The following XXYLT1 variants were observed in gnomAD, a reference collection of about 807,000 sequenced individuals.
The protein encoded by XXYLT1 is UDP-xylose:alpha-xyloside alpha-1,3-xylosyltransferase.
In XXYLT1, 20 loss-of-function variants were observed where a neutral mutation model predicts 28.9. That is an observed-to-expected ratio of 0.69 (90% CI 0.49 to 1.00). The LOEUF (loss-of-function observed/expected upper bound fraction) is 1.00, where lower values mean the gene tolerates loss of function less well. Ranked by LOEUF, XXYLT1 falls within the 50% of genes least tolerant of loss-of-function variation. XXYLT1 has a pLI of 0.00. For missense variants in XXYLT1, 542 were observed against 560.1 expected, an observed-to-expected ratio of 0.97 and a Z score of 0.33; for synonymous variants, 257 against 253.8, an observed-to-expected ratio of 1.01 and a Z score of -0.12.
intron 3 of XXYLT1, among the ~76,000 whole-genome samples, chr3:195,134,831 GTGT>G: frequency 2.4e-5 from 1 of 42,018 alleles, no homozygotes; most frequent in Non-Finnish European, 4.7e-5. Context: ...AGAGGGGTGT[GTGT>G]GTGTGTGTGT....
intron 2 of XXYLT1, among the ~76,000 whole-genome samples, chr3:195,226,374 C>A (rs1390893777): frequency 6.6e-6 from 1 of 152,102 alleles, no homozygotes; most frequent in Non-Finnish European, 1.5e-5. Flanking sequence ...ATCATCTAAT[C>A]CAACCCACCA....
In XXYLT1 at chr3:195,210,521, T is replaced by G. The variant is rs570399679; in HGVS notation, c.652+16188A>C. On this transcript the variant is annotated intron_variant, in intron 2 of 3. Coordinates refer to ENST00000310380, the MANE Select transcript of XXYLT1 (RefSeq NM_152531.5). The surrounding 1 kb of genome is among the most constrained non-coding windows in gnomAD (Gnocchi z 4.8). ...CGATAGCCAAGAATTTAAAAGAAGA[T>G]CTTGACAAATTAAAAGACAGAATCT... 1.3e-5 allele frequency among the ~76,000 whole-genome samples: 2 copies of G among 152,202 alleles called. No individual in the cohort carries two copies. The highest frequency in any genetic ancestry group is 3.9e-4 in the East Asian group (2 of 5,170).
At chr3:195,188,809 A>T (rs752641063) in intron 2 of XXYLT1, among the ~76,000 whole-genome samples, 7 of 152,228 alleles carry the variant, frequency 4.6e-5, no homozygotes, top group Admixed American at 2.6e-4. Context: ...TTCCCTCCAC[A>T]GCCAACTTTG....
rs767625824 is a variant in XXYLT1 at position 195,180,180 on chromosome 3, C to A, written c.653-23599G>T. Among the ~76,000 whole-genome samples the A allele has an allele frequency of 2.6e-5, 4 of 152,186 alleles. No homozygotes were observed. Among genetic ancestry groups the A allele is most frequent in the Non-Finnish European group, 4.4e-5 (3 of 68,024 alleles). On this transcript the variant is annotated intron_variant, in intron 2 of 3. Coordinates refer to ENST00000310380, the MANE Select transcript of XXYLT1 (RefSeq NM_152531.5). This position sits in a 1 kb window ranked among gnomAD's most constrained non-coding sequence, Gnocchi z 5.8. ...GGGAGGGAGGCAGCTGTGTAGCAGG[C>A]CTGGGGTGGTCTGGCTTATGCACAG... is the stretch of plus-strand genomic sequence containing the variant.
intron 3 of XXYLT1, among the ~76,000 whole-genome samples, chr3:195,094,985 G>T (rs540027338): frequency 6.6e-6 from 1 of 152,326 alleles, no homozygotes; most frequent in African/African-American, 2.4e-5. Flanking sequence ...ACCTTACTGT[G>T]CGGGGGAAAT....
chr3:195,230,771 T>C (rs1283996919), intron 1 of XXYLT1, among the ~76,000 whole-genome samples: 2 of 152,244 alleles, frequency 1.3e-5, no homozygotes. Context: ...CATGCTGTTT[T>C]GGTTACTATA....
At chr3:195,097,585 G>C (rs1716520216) in intron 3 of XXYLT1, among the ~76,000 whole-genome samples, 1 of 152,180 alleles carries the variant, frequency 6.6e-6, no homozygotes, top group Non-Finnish European at 1.5e-5. Context: ...AAGGAATTGA[G>C]TCAAAGCCCC....
intron 3 of XXYLT1, among the ~76,000 whole-genome samples, chr3:195,088,128 A>AGCGG (rs1715869088): frequency 6.7e-6 from 1 of 150,292 alleles, no homozygotes; most frequent in East Asian, 2.0e-4. Context: ...GCCATTGCCC[A>AGCGG]GGCTTGATTA....
At chr3:195,122,174 G>A in intron 3 of XXYLT1, 1 of 702,916 alleles carries the variant, frequency 1.4e-6, no homozygotes, top group Non-Finnish European at 2.6e-6. Context: ...TCTTTCATCA[G>A]GACACTCATC....
At chr3:195,188,598 T>G (rs1411223309) in intron 2 of XXYLT1, among the ~76,000 whole-genome samples, 1 of 152,224 alleles carries the variant, frequency 6.6e-6, no homozygotes, top group African/African-American at 2.4e-5. Flanking sequence ...TCAAAGTCGC[T>G]GCTTAACACA....
intron 2 of XXYLT1, among the ~76,000 whole-genome samples, chr3:195,162,384 G>C (rs534464448): frequency 3.3e-5 from 5 of 152,316 alleles, no homozygotes; most frequent in African/African-American, 1.2e-4. Flanking sequence ...GGATGGTCGG[G>C]GGGAGAAAGG....
chr3:195,156,408 G>A (rs1310849608), intron 3 of XXYLT1, 41 bp downstream of exon 3: 1 of 1,603,290 alleles, frequency 6.2e-7, no homozygotes, highest in Non-Finnish European at 8.5e-7. Context: ...TGAAGGGTGG[G>A]GAGGGGTCGT....
intron 1 of XXYLT1, among the ~76,000 whole-genome samples, chr3:195,233,672 T>A (rs1158136513): frequency 7.3e-6 from 1 of 136,508 alleles, no homozygotes; most frequent in Non-Finnish European, 1.5e-5. Flanking sequence ...CTCCCCACTT[T>A]TTAACTTTTT....
At position 195,077,333 on chromosome 3, in the gene XXYLT1, T is replaced by C. The variant is rs1487768857; in HGVS notation, c.786-7222A>G. ...ACCCAGAGGCAGTGCCGCAATAACA[T>C]GGATGGAATGGGGAAGATGCCCCCA... On this transcript the variant is annotated intron_variant, in intron 3 of 3. Coordinates refer to ENST00000310380, the MANE Select transcript of XXYLT1 (RefSeq NM_152531.5). The surrounding 1 kb of genome is among the most constrained non-coding windows in gnomAD (Gnocchi z 4.8). 1.3e-5 allele frequency among the ~76,000 whole-genome samples: 2 copies of C among 152,098 alleles called. No individual in the cohort carries two copies. The highest frequency in any genetic ancestry group is 2.9e-5 in the Non-Finnish European group (2 of 68,006).
intron 1 of XXYLT1, among the ~76,000 whole-genome samples, chr3:195,241,871 C>T (rs1243308996): frequency 6.6e-6 from 1 of 152,122 alleles, no homozygotes; most frequent in East Asian, 1.9e-4. Context: ...ATGTACCCAT[C>T]AGTCCTGGCT....
At chr3:195,252,725 C>CAGAGAG (rs1366490007) in intron 1 of XXYLT1, among the ~76,000 whole-genome samples, 83 of 129,116 alleles carry the variant, frequency 6.4e-4, no homozygotes, top group African/African-American at 2.5e-3. Flanking sequence ...CACACACACA[C>CAGAGAG]ACAGAGAGAG....
At chr3:195,211,694 G>C (rs1404828912) in intron 2 of XXYLT1, among the ~76,000 whole-genome samples, 1 of 152,204 alleles carries the variant, frequency 6.6e-6, no homozygotes, top group African/African-American at 2.4e-5. Context: ...ACTATGAAGA[G>C]AAAGAAAGCA....
chr3:195,069,834 G>A lies in XXYLT1; in HGVS notation c.1063C>T (p.Gln355Ter). The A allele has an allele frequency of 6.2e-7, 1 of 1,614,196 alleles. No individual in the cohort carries two copies. The highest frequency in any genetic ancestry group is 8.5e-7 in the Non-Finnish European group (1 of 1,180,038). Residue 355 changes from glutamine (Q) to a stop codon, truncating the protein, a stop_gained, in exon 4 of 4, where the codon CAG becomes TAG. Transcript: ENST00000310380. LOFTEE classifies it high-confidence loss of function. ...TGGTCCCTCCACCAGGTGCACAGCTGCCGGTTCCAGGTACAGTCCAGCACA... is the reference window on the plus strand; with the variant it reads ...TGGTCCCTCCACCAGGTGCACAGCTACCGGTTCCAGGTACAGTCCAGCACA... ...FHVLDCTWNRQLCTWWRDHGY... is the reference protein window; with the variant it reads ...FHVLDCTWNR
At position 195,180,701 on chromosome 3, in the gene XXYLT1, C is replaced by T. The variant is rs1560138408; in HGVS notation, c.653-24120G>A. Reference sequence around the variant, plus strand: ...TGGGTCTGACAGCTCTGGACACACACAAGCAGACGGGAAAGGCGCCTGCCC... The same window carrying T: ...TGGGTCTGACAGCTCTGGACACACATAAGCAGACGGGAAAGGCGCCTGCCC... On this transcript the variant is annotated intron_variant, in intron 2 of 3. Transcript: ENST00000310380. The surrounding 1 kb of genome is among the most constrained non-coding windows in gnomAD (Gnocchi z 5.8). Among the ~76,000 whole-genome samples, 2 of 152,140 alleles carry T rather than the reference C, an allele frequency of 1.3e-5. No individual in the cohort carries two copies. The highest frequency in any genetic ancestry group is 2.4e-5 in the African/African-American group (1 of 41,438).
Sources: gnomAD v4.1 joint callset for allele counts (sites outside exome capture counted in the v4.1 genomes callset) on GRCh38, gnomAD v4.1.1 for gene constraint, Gnocchi (gnomAD v3.1) non-coding constraint, MANE v1.5 for transcripts, NCBI Gene and HGNC (gene_info 2026-07-23, HGNC 2026-07-21) for gene names.